The following WDR35 variants were observed in gnomAD, a reference collection of about 807,000 sequenced individuals.
WDR35 encodes WD repeat domain 35, also known as WD repeat-containing protein 35.
A neutral mutation model predicts 158.3 loss-of-function variants in WDR35; 118 were observed. The ratio of observed to expected loss-of-function variants is 0.75; its 90% CI spans 0.64 to 0.87. The LOEUF is 0.87. WDR35 is among the 40% of genes least tolerant of loss of function. The probability of loss-of-function intolerance (pLI) is 0.00; values close to 1 mark genes in which losing one functional copy is unlikely to be tolerated. For synonymous variants in WDR35, 448 were observed against 476.1 expected (o/e 0.94, Z 0.77); for missense variants, 1,263 against 1,405.8 (o/e 0.90, Z 1.62).
At chr2:19,954,084 C>T in intron 11 of WDR35, 106 bp from the exon 12 acceptor site, 2 of 1,256,124 alleles carry the variant, frequency 1.6e-6, no homozygotes, top group Non-Finnish European at 2.3e-6. Flanking sequence ...ATTTTATAGA[C>T]AATATACCCC....
chr2:19,978,112 C>A (rs1471920040), intron 5 of WDR35, among the ~76,000 whole-genome samples: 1 of 151,904 alleles, frequency 6.6e-6, no homozygotes, highest in East Asian at 1.9e-4. Context: ...ATTGCTGTAC[C>A]CTTAGTTCCT....
At chr2:19,965,002 C>A (rs190141454) in intron 10 of WDR35, among the ~76,000 whole-genome samples, 1 of 152,200 alleles carries the variant, frequency 6.6e-6, no homozygotes, top group Non-Finnish European at 1.5e-5. Context: ...TGGCTCACTG[C>A]AACCTCTGCC....
At position 19,930,536 on chromosome 2, in the gene WDR35, G is replaced by A; in HGVS notation, c.2981C>T (p.Ala994Val). ...CAGAACTTCTTCTTCCAGCAAACCA[G>A]CCAAGGCAGAAGTGGCCTACGAGTA... ...GKSSEATSAL[A>V]GLLEEEVLST... The change falls in exon 25 of 27, where the codon GCT becomes GTT. Residue 994 changes from alanine to valine, a missense_variant. Coordinates refer to ENST00000281405, the MANE Select transcript of WDR35 (RefSeq NM_020779.4). The A allele has an allele frequency of 6.2e-7, 1 of 1,614,092 alleles. No homozygotes were observed. The highest frequency in any genetic ancestry group is 8.5e-7 in the Non-Finnish European group (1 of 1,180,032).
chr2:19,979,228 T>C (rs1195061199), intron 4 of WDR35, among the ~76,000 whole-genome samples: 1 of 152,136 alleles, frequency 6.6e-6, no homozygotes, highest in African/African-American at 2.4e-5. Context: ...AAGCCTAACT[T>C]TTCCCACTTG....
At chr2:19,925,428 T>C (rs1670328394) in intron 25 of WDR35, among the ~76,000 whole-genome samples, 1 of 152,180 alleles carries the variant, frequency 6.6e-6, no homozygotes. Context: ...GCTTACTGGG[T>C]AAATCAAATT....
rs1346292374 is a variant in WDR35, at chr2:19,954,116, T to A, written c.1256-138A>T. ...CCCCCACATAGTCTCAAAATACCCATACACAGTCTCTGAAATCAGAAAAGA... is the reference window on the plus strand; with the variant it reads ...CCCCCACATAGTCTCAAAATACCCAAACACAGTCTCTGAAATCAGAAAAGA... On this transcript the variant is annotated intron_variant, in intron 11 of 26. Transcript: ENST00000281405. 9 of 906,930 alleles carry A rather than the reference T, an allele frequency of 9.9e-6. No individual in the cohort carries two copies. The Middle Eastern group carries it at 9.9e-4, about 99-fold the overall frequency. 56.2% of individuals were successfully genotyped at this position (906,930 alleles called of 1,614,324 possible). A position where few individuals can be genotyped will look rare whatever the true frequency, so the allele number is the denominator to read the frequency against.
In WDR35 at chr2:19,911,010, G is replaced by A. The variant is rs984987363; in HGVS notation, c.*2548C>T. On this transcript the variant is annotated 3_prime_UTR_variant, in exon 27 of 27. Coordinates refer to ENST00000281405, the MANE Select transcript of WDR35 (RefSeq NM_020779.4). ...GTTGTTTTTAGAGATACTGGTTTCTGGATCCAACTGAATGAGAAATATCAA... is the reference window on the plus strand; with the variant it reads ...GTTGTTTTTAGAGATACTGGTTTCTAGATCCAACTGAATGAGAAATATCAA... The A allele has an allele frequency of 6.6e-6, 1 of 152,134 alleles. No individual in the cohort carries two copies. The highest frequency in any genetic ancestry group is 2.4e-5 in the African/African-American group (1 of 41,430). The allele number at this position is 152,134 out of a possible 1,614,324, so 9.4% of individuals were successfully genotyped here. A position where few individuals can be genotyped will look rare whatever the true frequency, so the allele number is the denominator to read the frequency against.
chr2:19,977,121 T>G (rs966896104), intron 5 of WDR35, among the ~76,000 whole-genome samples: 1 of 152,208 alleles, frequency 6.6e-6, no homozygotes, highest in African/African-American at 2.4e-5. Context: ...CATAAGCCAC[T>G]GTCCCCAGCC....
At chr2:19,971,574 T>C (rs916091446) in intron 8 of WDR35, among the ~76,000 whole-genome samples, 6 of 152,208 alleles carry the variant, frequency 3.9e-5, no homozygotes, top group Admixed American at 1.3e-4. Flanking sequence ...TGGTATTCTG[T>C]CATAGCAGCA....
intron 5 of WDR35, among the ~76,000 whole-genome samples, chr2:19,976,916 C>A (rs1309344213): frequency 6.6e-6 from 1 of 151,960 alleles, no homozygotes; most frequent in African/African-American, 2.4e-5. Flanking sequence ...ACCTCTCAGG[C>A]TCAAGCAATC....
intron 4 of WDR35, 126 bp downstream of exon 4, chr2:19,980,565 C>A: frequency 1.3e-6 from 1 of 752,428 alleles, no homozygotes; most frequent in Non-Finnish European, 2.3e-6. Flanking sequence ...TATCACTGTG[C>A]AGTCAGGATG....
chr2:19,985,556 G>A (rs1672534374), intron 2 of WDR35, among the ~76,000 whole-genome samples: 1 of 145,050 alleles, frequency 6.9e-6, no homozygotes, highest in African/African-American at 2.6e-5. Flanking sequence ...CTTTTGGCAA[G>A]GAAATGACAT....
At chr2:19,959,452 C>T (rs1329423736) in intron 11 of WDR35, among the ~76,000 whole-genome samples, 1 of 151,702 alleles carries the variant, frequency 6.6e-6, no homozygotes, top group Non-Finnish European at 1.5e-5. Flanking sequence ...AGCTTTTTAA[C>T]AAGGAACACT....
At position 19,911,468 on chromosome 2, in the gene WDR35, A is replaced by G. The variant is rs1295744660; in HGVS notation, c.*2090T>C. 1 of 152,234 alleles carries G rather than the reference A, an allele frequency of 6.6e-6. No individual in the cohort carries two copies. Among genetic ancestry groups the G allele is most frequent in the East Asian group, 1.9e-4 (1 of 5,196 alleles). 9.4% of individuals were successfully genotyped at this position (152,234 alleles called of 1,614,324 possible). ...TGAAGCAGAGAATAGTCTCATCCCT[A>G]AAAACAGAAAGTCCTGTGGAAAGAT... On this transcript the variant is annotated 3_prime_UTR_variant, in exon 27 of 27. Coordinates refer to ENST00000281405, the MANE Select transcript of WDR35 (RefSeq NM_020779.4).
chr2:19,911,473 C>G lies in WDR35; in HGVS notation c.*2085G>C, dbSNP rs1368081422. On this transcript the variant is annotated 3_prime_UTR_variant, in exon 27 of 27. Coordinates refer to ENST00000281405, the MANE Select transcript of WDR35 (RefSeq NM_020779.4). ...CAGAGAATAGTCTCATCCCTAAAAA[C>G]AGAAAGTCCTGTGGAAAGATGCAAG... is the stretch of plus-strand genomic sequence containing the variant. 6.6e-6 allele frequency: 1 copy of G among 152,210 alleles called. No individual in the cohort carries two copies. Among genetic ancestry groups the G allele is most frequent in the Admixed American group, 6.5e-5 (1 of 15,292 alleles). The allele number at this position is 152,210 out of a possible 1,614,324, so 9.4% of individuals were successfully genotyped here. A position where few individuals can be genotyped will look rare whatever the true frequency, so the allele number is the denominator to read the frequency against.
chr2:19,938,122 T>G, intron 18 of WDR35, 143 bp downstream of exon 18: 1 of 1,414,588 alleles, frequency 7.1e-7, no homozygotes, highest in Non-Finnish European at 9.7e-7. Context: ...CTTCCAAATC[T>G]AAATGAATTT....
rs1670230429 is a variant in WDR35 at position 19,923,127 on chromosome 2, G to C, written c.3121+7269C>G. 2.0e-5 allele frequency among the ~76,000 whole-genome samples: 3 copies of C among 152,178 alleles called. 1 individual carries two copies. In the South Asian group the frequency reaches 6.2e-4, roughly 32 times the overall value. On this transcript the variant is annotated intron_variant, in intron 25 of 26. Transcript: ENST00000281405. ...TTAATAAATACGTGGGTAAATCTCTGTTCAGGGCTCTCAGCTCTGAAGGTT... is the reference window on the plus strand; with the variant it reads ...TTAATAAATACGTGGGTAAATCTCTCTTCAGGGCTCTCAGCTCTGAAGGTT...
At position 19,914,029 on chromosome 2, in the gene WDR35, T is replaced by A; in HGVS notation, c.3362+8A>T. On this transcript the variant is annotated splice_region_variant and intron_variant, in intron 26 of 26. Coordinates refer to ENST00000281405, the MANE Select transcript of WDR35 (RefSeq NM_020779.4). Reference sequence around the variant, plus strand: ...TAGAATGGCATCCACTAATTAAAATTAGCCTACCCTTCCATAAGGCTGTCC... The same window carrying A: ...TAGAATGGCATCCACTAATTAAAATAAGCCTACCCTTCCATAAGGCTGTCC... 1.2e-6 allele frequency: 2 copies of A among 1,613,936 alleles called. No individual in the cohort carries two copies. Among genetic ancestry groups the A allele is most frequent in the Non-Finnish European group, 1.7e-6 (2 of 1,179,984 alleles).
intron 26 of WDR35, 145 bp from the exon 27 acceptor site, chr2:19,913,853 A>G: frequency 7.0e-7 from 1 of 1,422,312 alleles, no homozygotes; most frequent in Non-Finnish European, 9.5e-7. Flanking sequence ...TTTCAAGAAA[A>G]AACCTTTCTT....
Sources: gnomAD v4.1 joint callset for allele counts (sites outside exome capture counted in the v4.1 genomes callset) on GRCh38, gnomAD v4.1.1 for gene constraint, MANE v1.5 for transcripts, NCBI Gene and HGNC (gene_info 2026-07-23, HGNC 2026-07-21) for gene names.